DLGAP2: variants seen among roughly 807,000 people sequenced by gnomAD.
DLGAP2 encodes DLG associated protein 2.
A neutral mutation model predicts 100.3 loss-of-function variants in DLGAP2; 26 were observed. That is an observed-to-expected ratio of 0.26 (90% confidence interval 0.19 to 0.36). DLGAP2 has a LOEUF of 0.36. DLGAP2 is among the 10% of genes least tolerant of loss of function. The probability of loss-of-function intolerance (pLI) is 1.00; values close to 1 mark genes in which losing one functional copy is unlikely to be tolerated. For missense variants in DLGAP2, 1,858 were observed against 1,453.2 expected, an observed-to-expected ratio of 1.28 and a Z score of -4.53; for synonymous variants, 886 against 630.1, an observed-to-expected ratio of 1.41 and a Z score of -6.08.
intron 2 of DLGAP2, among the ~76,000 whole-genome samples, chr8:1,196,883 G>C (rs1335063696): frequency 6.6e-6 from 1 of 152,116 alleles, no homozygotes; most frequent in African/African-American, 2.4e-5. Context: ...ACAGGCAAGA[G>C]GGGATTTATT....
At chr8:882,779 GC>G in intron 1 of DLGAP2, among the ~76,000 whole-genome samples, 1 of 152,312 alleles carries the variant, frequency 6.6e-6, no homozygotes, top group Admixed American at 6.5e-5. Context: ...GGCCTCTCCT[GC>G]GGGCAGCCGT....
rs1256720785 is a variant in DLGAP2, at chr8:1,020,953, A to G, written c.73+112987A>G. ...GTCTTAAGAGCAGGCAAAGCAATTA[A>G]TCAATATCCCACTGCAGTAGGACAA... On this transcript the variant is annotated intron_variant, in intron 2 of 14. Transcript: ENST00000637795. Among the ~76,000 whole-genome samples, 60 of 152,204 alleles carry G rather than the reference A, an allele frequency of 3.9e-4. 1 individual carries two copies. The highest frequency in any genetic ancestry group is 7.3e-5 in the Non-Finnish European group (5 of 68,032).
At position 1,413,668 on chromosome 8, in the gene DLGAP2, G is replaced by A. The variant is rs535301156; in HGVS notation, c.107-87698G>A. ...TGAAAATCTCAGTAATCAATGATTG[G>A]AGTCACTCTTATCTTTGATAAATGG... On this transcript the variant is annotated intron_variant, in intron 3 of 14. Coordinates refer to ENST00000637795, the MANE Select transcript of DLGAP2 (RefSeq NM_001346810.2). Among the ~76,000 whole-genome samples the A allele has an allele frequency of 2.0e-5, 3 of 152,206 alleles. No homozygotes were observed. In the South Asian group the frequency reaches 6.2e-4, roughly 32 times the overall value.
At chr8:1,202,727 G>T (rs537928266) in intron 2 of DLGAP2, among the ~76,000 whole-genome samples, 2 of 152,230 alleles carry the variant, frequency 1.3e-5, no homozygotes, top group East Asian at 1.9e-4. Flanking sequence ...TTCCTCCTCA[G>T]TCTCCTGTGC....
intron 2 of DLGAP2, among the ~76,000 whole-genome samples, chr8:917,540 A>G (rs1299587532): frequency 1.3e-5 from 2 of 151,202 alleles, no homozygotes; most frequent in Admixed American, 6.6e-5. Flanking sequence ...ACCCAGACTG[A>G]TTCTCTTTTG....
At chr8:1,135,609 C>G (rs1312885247) in intron 2 of DLGAP2, among the ~76,000 whole-genome samples, 7 of 132,634 alleles carry the variant, frequency 5.3e-5, no homozygotes. Context: ...CTAAGGGGAA[C>G]GACATTCTCA....
intron 2 of DLGAP2, among the ~76,000 whole-genome samples, chr8:1,191,728 A>C (rs1797644165): frequency 6.6e-6 from 1 of 152,102 alleles, no homozygotes; most frequent in South Asian, 2.1e-4. Context: ...ACCTCTGATC[A>C]CACTTTACCC....
At chr8:975,588 C>T (rs569462357) in intron 2 of DLGAP2, among the ~76,000 whole-genome samples, 2 of 152,262 alleles carry the variant, frequency 1.3e-5, no homozygotes, top group East Asian at 1.9e-4. Flanking sequence ...AAGGCTGGCT[C>T]AACATCTGAA....
chr8:798,771 A>C (rs949195152), intron 1 of DLGAP2, among the ~76,000 whole-genome samples: 2 of 142,758 alleles, frequency 1.4e-5, no homozygotes, highest in African/African-American at 5.3e-5. Context: ...TTGTTGAGTC[A>C]GGACCTGCAG....
At position 814,758 on chromosome 8, in the gene DLGAP2, C is replaced by T. The variant is rs547842085; in HGVS notation, c.18+76933C>T. Among the ~76,000 whole-genome samples the T allele has an allele frequency of 6.7e-5, 9 of 134,928 alleles. No homozygotes were observed. In the South Asian group the frequency reaches 7.6e-4, roughly 11 times the overall value. 88.5% of individuals were successfully genotyped at this position (134,928 alleles called of 152,430 possible). A position where few individuals can be genotyped will look rare whatever the true frequency, so the allele number is the denominator to read the frequency against. On this transcript the variant is annotated intron_variant, in intron 1 of 14. Transcript: ENST00000637795. Reference sequence around the variant, plus strand: ...GTCCCAGCTACTCGGGAGGCTGAGGCGGGAGGATGGTGTGAACCTAGGAGG... The same window carrying T: ...GTCCCAGCTACTCGGGAGGCTGAGGTGGGAGGATGGTGTGAACCTAGGAGG...
At chr8:893,934 C>T (rs562160976) in intron 1 of DLGAP2, among the ~76,000 whole-genome samples, 9 of 152,194 alleles carry the variant, frequency 5.9e-5, no homozygotes, top group Non-Finnish European at 1.2e-4. Context: ...TTGGGAGGTT[C>T]GGCGTCTCCG....
intron 3 of DLGAP2, among the ~76,000 whole-genome samples, chr8:1,319,348 G>C (rs1406554178): frequency 1.3e-5 from 2 of 152,238 alleles, no homozygotes; most frequent in Non-Finnish European, 1.5e-5. Flanking sequence ...TCCCAGATCA[G>C]AGGTTCATGC....
rs1050578009 is a variant in DLGAP2, at chr8:1,179,342, A to G, written c.74-79509A>G. On this transcript the variant is annotated intron_variant, in intron 2 of 14. Transcript: ENST00000637795. ...GCCTGTGCCAAGGTGGCCAGGCACC[A>G]GCTGAGGCTGTGGGTGGAGGGAGTG... is the stretch of plus-strand genomic sequence containing the variant. 2.0e-5 allele frequency among the ~76,000 whole-genome samples: 3 copies of G among 152,230 alleles called. No individual in the cohort carries two copies. The South Asian group carries it at 6.2e-4, about 31-fold the overall frequency.
At chr8:1,023,002 C>T (rs753745055) in intron 2 of DLGAP2, among the ~76,000 whole-genome samples, 7 of 152,186 alleles carry the variant, frequency 4.6e-5, no homozygotes, top group Non-Finnish European at 1.0e-4. Context: ...ACATTAAACT[C>T]GCATGTATCT....
intron 2 of DLGAP2, among the ~76,000 whole-genome samples, chr8:1,183,322 C>T (rs540314017): frequency 1.3e-5 from 2 of 152,274 alleles, no homozygotes; most frequent in Admixed American, 1.3e-4. Context: ...CATGGGAAAA[C>T]AGCCAATTTG....
intron 2 of DLGAP2, among the ~76,000 whole-genome samples, chr8:1,037,608 C>T (rs894710250): frequency 5.3e-5 from 8 of 152,208 alleles, no homozygotes; most frequent in African/African-American, 1.9e-4. Flanking sequence ...CTTTTGTTCT[C>T]TACAAAATGT....
At chr8:1,030,988 T>A (rs778965307) in intron 2 of DLGAP2, among the ~76,000 whole-genome samples, 1 of 152,214 alleles carries the variant, frequency 6.6e-6, no homozygotes, top group South Asian at 2.1e-4. Flanking sequence ...GTTGTTTTCA[T>A]TGTATTTAGA....
chr8:1,318,813 T>C (rs1274721713), intron 3 of DLGAP2, among the ~76,000 whole-genome samples: 6 of 100,732 alleles, frequency 6.0e-5, no homozygotes, highest in African/African-American at 2.0e-4. Context: ...CCTTGGGGCC[T>C]CCAATGTGTT....
intron 1 of DLGAP2, among the ~76,000 whole-genome samples, chr8:824,337 C>T (rs1796646147): frequency 6.6e-6 from 1 of 152,120 alleles, no homozygotes; most frequent in African/African-American, 2.4e-5. Context: ...CGGCGTCCCA[C>T]AGTGCTGGGA....
Sources: allele counts gnomAD v4.1 joint callset (sites outside exome capture counted in the v4.1 genomes callset), GRCh38; gene constraint gnomAD v4.1.1; transcripts MANE v1.5; gene names NCBI Gene and HGNC (gene_info 2026-07-23, HGNC 2026-07-21).